Variants in SEMA3A observed in about 807,000 individuals in gnomAD.
The protein encoded by SEMA3A is semaphorin-3A.
SEMA3A carries 29 observed loss-of-function variants against 97.9 expected under a neutral mutation model. That is an observed-to-expected ratio of 0.30 (90% CI 0.22 to 0.40). The LOEUF is 0.40. Ranked by LOEUF, SEMA3A falls within the 10% of genes least tolerant of loss-of-function variation. The pLI is 1.00. For missense variants in SEMA3A, 763 were observed against 951.3 expected (o/e 0.80, Z 2.60); for synonymous variants, 321 against 323.7 (o/e 0.99, Z 0.09).
chr7:84,377,945 T>C (rs868331903), intron 1 of SEMA3A, among the ~76,000 whole-genome samples: 36 of 152,246 alleles, frequency 2.4e-4, no homozygotes, highest in African/African-American at 8.7e-4. Context: ...AATATAGCCA[T>C]GTCTCCAGTA....
intron 12 of SEMA3A, among the ~76,000 whole-genome samples, chr7:83,988,636 T>C (rs1011853295): frequency 6.6e-6 from 1 of 152,128 alleles, no homozygotes; most frequent in Non-Finnish European, 1.5e-5. Flanking sequence ...GGTACATTAA[T>C]GTAATGGTAT....
chr7:84,454,944 T>A (rs1480725632), intron 1 of SEMA3A, among the ~76,000 whole-genome samples: 1 of 152,030 alleles, frequency 6.6e-6, no homozygotes, highest in Non-Finnish European at 1.5e-5. Context: ...CAAGGTTTAA[T>A]GTAATCTTTA....
intron 3 of SEMA3A, among the ~76,000 whole-genome samples, chr7:84,223,286 T>A (rs923051262): frequency 6.6e-6 from 1 of 151,796 alleles, no homozygotes; most frequent in African/African-American, 2.4e-5. Context: ...TCTCTCCATA[T>A]AGAGGTGTGT....
intron 1 of SEMA3A, among the ~76,000 whole-genome samples, chr7:84,180,955 A>C (rs1797718529): frequency 2.6e-5 from 4 of 152,156 alleles, no homozygotes; most frequent in Admixed American, 2.6e-4. Flanking sequence ...TCCCTTAAGT[A>C]AATACATTAA....
chr7:84,140,218 T>C (rs1352966787), intron 1 of SEMA3A, among the ~76,000 whole-genome samples: 1 of 152,116 alleles, frequency 6.6e-6, no homozygotes, highest in African/African-American at 2.4e-5. Flanking sequence ...TTTCCTGTTG[T>C]GTTCTGATTT....
intron 1 of SEMA3A, among the ~76,000 whole-genome samples, chr7:84,186,009 A>G (rs969457880): frequency 2.6e-5 from 4 of 152,106 alleles, no homozygotes; most frequent in East Asian, 3.9e-4. Flanking sequence ...CCACGTATCA[A>G]CTCTACTCTA....
At position 84,463,237 on chromosome 7, in the gene SEMA3A, CTTTTTTTTTT is replaced by C. The variant is rs59465422; in HGVS notation, c.-246+29213_-246+29222del. Among the ~76,000 whole-genome samples the C allele has an allele frequency of 3.8e-3, 274 of 71,370 alleles. 3 individuals are homozygous for C. Among genetic ancestry groups the C allele is most frequent in the African/African-American group, 0.014 (259 of 17,934 alleles). The allele number at this position is 71,370 out of a possible 152,430, so 46.8% of individuals were successfully genotyped here. On this transcript the variant is annotated intron_variant, in intron 1 of 3. Coordinates refer to the SEMA3A transcript ENST00000424555. The stretch of plus-strand genomic sequence containing the variant: ...ATTACTTTAGTATTTTGTAACTATT[CTTTTTTTTTT>C]TTTTTTTTTTTTTTTTTTTAGGAGG...
intron 2 of SEMA3A, among the ~76,000 whole-genome samples, chr7:84,318,087 A>G (rs529449426): frequency 6.6e-6 from 1 of 151,914 alleles, no homozygotes; most frequent in East Asian, 1.9e-4. Flanking sequence ...TTAGTACAAT[A>G]TTGCTCTTTT....
At chr7:84,042,760 A>G (rs531522966) in intron 6 of SEMA3A, among the ~76,000 whole-genome samples, 1 of 152,132 alleles carries the variant, frequency 6.6e-6, no homozygotes, top group East Asian at 1.9e-4. Flanking sequence ...TCATCCCACT[A>G]TTACTCCAAG....
chr7:84,248,693 A>G (rs1466420348), intron 3 of SEMA3A, among the ~76,000 whole-genome samples: 1 of 152,034 alleles, frequency 6.6e-6, no homozygotes, highest in Non-Finnish European at 1.5e-5. Flanking sequence ...CTCTAAGCAT[A>G]TCTCCTAAAA....
At chr7:84,174,617 G>A (rs1797503473) in intron 1 of SEMA3A, among the ~76,000 whole-genome samples, 2 of 152,134 alleles carry the variant, frequency 1.3e-5, no homozygotes, top group Admixed American at 6.5e-5. Context: ...ACTTAATTAT[G>A]TAATGGTATA....
In SEMA3A at chr7:84,369,652, T is replaced by TTTTGTATATTTCAGG. The variant is rs551701066; in HGVS notation, c.-169+2171_-169+2172insCCTGAAATATACAAA. Among the ~76,000 whole-genome samples, 331 of 150,924 alleles carry TTTTGTATATTTCAGG rather than the reference T, an allele frequency of 2.2e-3. 1 individual carries two copies. Among genetic ancestry groups the TTTTGTATATTTCAGG allele is most frequent in the African/African-American group, 7.4e-3 (305 of 41,312 alleles). ...AATTCATTTATTCAAAATAGATTAG[T>TTTTGTATATTTCAGG]TGAGCATCTAGTATATTTCAGGTGA... On this transcript the variant is annotated intron_variant, in intron 2 of 3. Coordinates refer to the SEMA3A transcript ENST00000424555.
Position 84,202,759 on chromosome 7 carries a change from C to G in SEMA3A, c.-82-8091G>C, listed in dbSNP as rs771226643. 4.2e-4 allele frequency among the ~76,000 whole-genome samples: 64 copies of G among 152,156 alleles called. 1 individual carries two copies. Among genetic ancestry groups the G allele is most frequent in the Non-Finnish European group, 1.2e-4 (8 of 68,022 alleles). ...TATGTTTAGGCGCCAGTCTTTGTGA[C>G]TTACAAAACTAATCACAGGTTATTT... On this transcript the variant is annotated intron_variant, in intron 3 of 3. Transcript: ENST00000424555.
chr7:84,437,391 A>G (rs988825083), intron 1 of SEMA3A, among the ~76,000 whole-genome samples: 8 of 152,112 alleles, frequency 5.3e-5, no homozygotes, highest in African/African-American at 1.9e-4. Context: ...TAATAGTCCG[A>G]CATGAACATC....
chr7:83,967,038 AT>A (rs1788724137), intron 15 of SEMA3A, among the ~76,000 whole-genome samples: 1 of 152,036 alleles, frequency 6.6e-6, no homozygotes, highest in South Asian at 2.1e-4. Flanking sequence ...GGATACAGTT[AT>A]TTCTATTAAG....
chr7:84,009,335 CA>C (rs1480884236), intron 9 of SEMA3A, among the ~76,000 whole-genome samples: 1 of 151,936 alleles, frequency 6.6e-6, no homozygotes, highest in Non-Finnish European at 1.5e-5. Context: ...TCTTTTTTTC[CA>C]AAGGGAAGAA....
At chr7:84,095,388 T>TATATATATATATATATATATATATA (rs1794744438) in intron 4 of SEMA3A, among the ~76,000 whole-genome samples, 5 of 93,820 alleles carry the variant, frequency 5.3e-5, no homozygotes, top group Non-Finnish European at 7.7e-5. Flanking sequence ...TATATATATA[T>TATATATATATATATATATATATATA]TCCCATTGAA....
chr7:84,166,276 G>GA (rs58279881), intron 1 of SEMA3A, among the ~76,000 whole-genome samples: 7,303 of 130,092 alleles, frequency 0.056, 587 homozygotes, highest in African/African-American at 0.19. Context: ...GGACCCTGTG[G>GA]AAAAAAAAAA....
chr7:84,318,317 GT>G (rs71522699), intron 2 of SEMA3A, among the ~76,000 whole-genome samples: 3,940 of 97,906 alleles, frequency 0.04, 180 homozygotes, highest in African/African-American at 0.13. Flanking sequence ...TGATTTCTTG[GT>G]TTTTTTTTTT....
Sources: allele counts gnomAD v4.1 joint callset (sites outside exome capture counted in the v4.1 genomes callset), GRCh38; gene constraint gnomAD v4.1.1; transcripts MANE v1.5; gene names NCBI Gene and HGNC (gene_info 2026-07-23, HGNC 2026-07-21).